The following TRPC1 variants were observed in gnomAD, a reference collection of about 807,000 sequenced individuals.
TRPC1 encodes transient receptor potential cation channel subfamily C member 1, also known as short transient receptor potential channel 1.
Under a neutral mutation model 88.2 loss-of-function variants are expected in TRPC1, and 42 were observed. The ratio of observed to expected loss-of-function variants is 0.48; its 90% CI spans 0.37 to 0.62. The LOEUF (loss-of-function observed/expected upper bound fraction) is 0.62. Ranked by LOEUF, TRPC1 falls within the 20% of genes least tolerant of loss-of-function variation. The pLI is 0.00. For missense variants in TRPC1, 699 were observed against 957.3 expected (o/e 0.73, Z 3.56); for synonymous variants, 288 against 331.8 (o/e 0.87, Z 1.43).
chr3:142,782,987 A>G (rs1170679715), intron 6 of TRPC1, among the ~76,000 whole-genome samples: 1 of 152,174 alleles, frequency 6.6e-6, no homozygotes, highest in African/African-American at 2.4e-5. Context: ...CAGAAGTCAC[A>G]TAGCATCACC....
intron 3 of TRPC1, among the ~76,000 whole-genome samples, chr3:142,744,280 A>G (rs1361469279): frequency 6.6e-6 from 1 of 152,124 alleles, no homozygotes; most frequent in East Asian, 1.9e-4. Flanking sequence ...ATTGATAGCA[A>G]GGGAGTATTA....
rs140659440 is a variant in TRPC1 at position 142,739,293 on chromosome 3, C to T, written c.327+2760C>T. 1.8e-3 allele frequency among the ~76,000 whole-genome samples: 280 copies of T among 152,170 alleles called. 3 individuals carry two copies. The highest frequency in any genetic ancestry group is 6.4e-3 in the African/African-American group (264 of 41,538). On this transcript the variant is annotated intron_variant, in intron 2 of 12. Coordinates refer to ENST00000476941, the MANE Select transcript of TRPC1 (RefSeq NM_001251845.2). ...CCAGCCTAGATATTATTATTGTCCCCATTTTATAGAGGAGGAAACAGGTAA... is the reference window on the plus strand; with the variant it reads ...CCAGCCTAGATATTATTATTGTCCCTATTTTATAGAGGAGGAAACAGGTAA...
intron 2 of TRPC1, 56 bp from the exon 3 acceptor site, chr3:142,743,429 A>T: frequency 8.1e-7 from 1 of 1,231,694 alleles, no homozygotes; most frequent in Non-Finnish European, 1.1e-6. Context: ...TAGTAAAAAG[A>T]AGTAGTTTAC....
chr3:142,759,072 T>C lies in TRPC1; in HGVS notation c.632+10612T>C, dbSNP rs544939481. Among the ~76,000 whole-genome samples the C allele has an allele frequency of 2.0e-5, 3 of 152,292 alleles. No homozygotes were observed. The South Asian group carries it at 6.2e-4, about 32-fold the overall frequency. ...TGCCACATTTTTTTTATCCAGTCTA[T>C]TATTGATGGACATCTGGGTTGGTTC... On this transcript the variant is annotated intron_variant, in intron 4 of 12. Transcript: ENST00000476941.
chr3:142,739,407 A>G (rs1934260762), intron 2 of TRPC1, among the ~76,000 whole-genome samples: 1 of 152,208 alleles, frequency 6.6e-6, no homozygotes, highest in South Asian at 2.1e-4. Context: ...CTATGGTCTT[A>G]CCTATTATGC....
In TRPC1 at chr3:142,759,048, G is replaced by A. The variant is rs1205935703; in HGVS notation, c.632+10588G>A. ...GCATAGTATTCCATGGTGTATATGTGCCACATTTTTTTTATCCAGTCTATT... is the reference window on the plus strand; with the variant it reads ...GCATAGTATTCCATGGTGTATATGTACCACATTTTTTTTATCCAGTCTATT... On this transcript the variant is annotated intron_variant, in intron 4 of 12. Transcript: ENST00000476941. Among the ~76,000 whole-genome samples, 15 of 152,038 alleles carry A rather than the reference G, an allele frequency of 9.9e-5. No individual in the cohort carries two copies. The East Asian group carries it at 2.7e-3, about 27-fold the overall frequency.
At chr3:142,763,478 A>C (rs887155437) in intron 4 of TRPC1, among the ~76,000 whole-genome samples, 1 of 151,808 alleles carries the variant, frequency 6.6e-6, no homozygotes, top group Non-Finnish European at 1.5e-5. Flanking sequence ...TTTGTAGTCT[A>C]TTTTATCTGA....
At chr3:142,745,908 C>T (rs2108040887) in intron 3 of TRPC1, among the ~76,000 whole-genome samples, 1 of 152,054 alleles carries the variant, frequency 6.6e-6, no homozygotes, top group South Asian at 2.1e-4. Flanking sequence ...CAGGCACGTC[C>T]CACCATGCCC....
intron 8 of TRPC1, 110 bp downstream of exon 8, chr3:142,791,268 G>A (rs757544985): frequency 2.1e-4 from 206 of 971,292 alleles, no homozygotes; most frequent in Admixed American, 1.4e-3. Context: ...AGTGTCTGGT[G>A]TGTTTTCATT....
chr3:142,743,732 AC>A, intron 3 of TRPC1, 146 bp downstream of exon 3: 1 of 482,992 alleles, frequency 2.1e-6, no homozygotes, highest in Non-Finnish European at 3.5e-6. Context: ...TTAAAAGTGG[AC>A]ACTTGCAGGA....
intron 12 of TRPC1, 40 bp downstream of exon 12, chr3:142,804,670 A>G (rs911095934): frequency 2.6e-6 from 4 of 1,534,012 alleles, no homozygotes. Flanking sequence ...TAAAAGTTTT[A>G]ACAATTCCTA....
At chr3:142,797,329 G>A (rs1444409066) in intron 9 of TRPC1, among the ~76,000 whole-genome samples, 2 of 151,848 alleles carry the variant, frequency 1.3e-5, no homozygotes, top group African/African-American at 4.8e-5. Flanking sequence ...GAAATCTGCC[G>A]TATCATGTGA....
At position 142,762,143 on chromosome 3, in the gene TRPC1, C is replaced by G. The variant is rs375271414; in HGVS notation, c.632+13683C>G. Among the ~76,000 whole-genome samples the G allele has an allele frequency of 2.2e-4, 34 of 152,130 alleles. 1 individual carries two copies. The East Asian group carries it at 4.5e-3, about 20-fold the overall frequency. ...CTTGACCTCCTATGCTCAAGTGATCCTCCCACCTCAGCCCTTCAAGTAGCT... is the reference window on the plus strand; with the variant it reads ...CTTGACCTCCTATGCTCAAGTGATCGTCCCACCTCAGCCCTTCAAGTAGCT... On this transcript the variant is annotated intron_variant, in intron 4 of 12. Transcript: ENST00000476941.
At chr3:142,733,159 G>A (rs113793724) in intron 1 of TRPC1, among the ~76,000 whole-genome samples, 31 of 152,152 alleles carry the variant, frequency 2.0e-4, no homozygotes, top group African/African-American at 7.2e-4. Flanking sequence ...ATTTGGTTTT[G>A]ATTTTTAGGG....
rs1936311861 is a variant in TRPC1 at position 142,792,138 on chromosome 3, T to A, written c.1438-686T>A. 6.6e-6 allele frequency among the ~76,000 whole-genome samples: 1 copy of A among 152,006 alleles called. No homozygotes were observed. On this transcript the variant is annotated intron_variant, in intron 8 of 12. Coordinates refer to ENST00000476941, the MANE Select transcript of TRPC1 (RefSeq NM_001251845.2). This position sits in a 1 kb window ranked among gnomAD's most constrained non-coding sequence, Gnocchi z 4.0. ...TACGTTCAGTGTCTAGAGTGTGAAA[T>A]TACTAAGAAAATGAAAATTGGTCAT...
intron 7 of TRPC1, among the ~76,000 whole-genome samples, chr3:142,789,136 T>C (rs141291741): frequency 8.9e-4 from 136 of 152,278 alleles, no homozygotes; most frequent in African/African-American, 3.1e-3. Context: ...TTGAAGATGT[T>C]TCATAAATAA....
intron 9 of TRPC1, among the ~76,000 whole-genome samples, chr3:142,800,164 A>G (rs1936575484): frequency 6.6e-6 from 1 of 152,186 alleles, no homozygotes; most frequent in African/African-American, 2.4e-5. Context: ...AGGTGATCCA[A>G]TAAAGCTGTC....
intron 5 of TRPC1, among the ~76,000 whole-genome samples, chr3:142,779,655 A>G (rs547626875): frequency 1.3e-5 from 2 of 152,308 alleles, no homozygotes; most frequent in African/African-American, 4.8e-5. Flanking sequence ...TATGATTTTT[A>G]TATAGCCAGT....
chr3:142,779,472 T>C (rs1935887312), intron 5 of TRPC1, among the ~76,000 whole-genome samples: 1 of 152,228 alleles, frequency 6.6e-6, no homozygotes, highest in Non-Finnish European at 1.5e-5. Flanking sequence ...ATTTTTGTAA[T>C]AATATATACT....
Sources: allele counts gnomAD v4.1 joint callset (sites outside exome capture counted in the v4.1 genomes callset), GRCh38; gene constraint gnomAD v4.1.1; non-coding constraint Gnocchi (gnomAD v3.1); transcripts MANE v1.5; gene names NCBI Gene and HGNC (gene_info 2026-07-23, HGNC 2026-07-21).